Variants in RAPGEF5 observed in about 807,000 individuals in gnomAD.
The protein encoded by RAPGEF5 is Rap guanine nucleotide exchange factor 5.
Under a neutral mutation model 125.2 loss-of-function variants are expected in RAPGEF5, and 65 were observed. The ratio of observed to expected loss-of-function variants is 0.52; its 90% CI spans 0.43 to 0.64. RAPGEF5 has a LOEUF of 0.64. RAPGEF5 is among the 30% of genes least tolerant of loss of function. RAPGEF5 has a pLI of 0.00. For synonymous variants in RAPGEF5, 391 were observed against 385.9 expected (o/e 1.01, Z -0.16); for missense variants, 958 against 1,048.1 (o/e 0.91, Z 1.19).
intron 20 of RAPGEF5, among the ~76,000 whole-genome samples, chr7:22,141,789 C>A (rs190328942): frequency 3.3e-5 from 5 of 152,236 alleles, no homozygotes; most frequent in Admixed American, 3.3e-4. Flanking sequence ...ATTGTGAGGC[C>A]CTGTACCTTC....
chr7:22,177,815 T>C (rs1291421610), intron 11 of RAPGEF5, among the ~76,000 whole-genome samples: 1 of 152,140 alleles, frequency 6.6e-6, no homozygotes, highest in Non-Finnish European at 1.5e-5. Context: ...CATTACACTA[T>C]GCTCTCCCGA....
chr7:22,325,803 A>G (rs1783802297), intron 1 of RAPGEF5, among the ~76,000 whole-genome samples: 1 of 151,864 alleles, frequency 6.6e-6, no homozygotes, highest in Non-Finnish European at 1.5e-5. Flanking sequence ...AGATCAAGCA[A>G]TCCTTGCACC....
At chr7:22,215,993 TA>T (rs1253332994) in intron 9 of RAPGEF5, among the ~76,000 whole-genome samples, 1 of 152,212 alleles carries the variant, frequency 6.6e-6, no homozygotes. Flanking sequence ...TGTCTGCCAC[TA>T]TACCAAAGAA....
intron 6 of RAPGEF5, among the ~76,000 whole-genome samples, chr7:22,276,861 G>C (rs1181429656): frequency 6.6e-6 from 1 of 152,182 alleles, no homozygotes; most frequent in Non-Finnish European, 1.5e-5. Context: ...TGCTATTTGA[G>C]TGTTATCTAT....
Position 22,130,902 on chromosome 7 carries a change from G to T in RAPGEF5, c.2481+135C>A, listed in dbSNP as rs1583389018. ...CATGCAGCAAATAAGCTCCTTGAAT[G>T]AAGCAAATAAGCTCCTTGAATTCGC... is the stretch of plus-strand genomic sequence containing the variant. On this transcript the variant is annotated intron_variant, in intron 24 of 25. Transcript: ENST00000665637. 4 of 1,256,510 alleles carry T rather than the reference G, an allele frequency of 3.2e-6. No homozygotes were observed. In the East Asian group the frequency reaches 1.1e-4, roughly 34 times the overall value. 77.8% of individuals were successfully genotyped at this position (1,256,510 alleles called of 1,614,324 possible).
At chr7:22,246,097 A>C (rs568957418) in intron 7 of RAPGEF5, among the ~76,000 whole-genome samples, 71 of 152,228 alleles carry the variant, frequency 4.7e-4, no homozygotes, top group Admixed American at 9.8e-4. Context: ...CACACACACA[A>C]AAATGGAAAA....
At chr7:22,304,247 A>T (rs1301643879) in intron 5 of RAPGEF5, among the ~76,000 whole-genome samples, 1 of 152,160 alleles carries the variant, frequency 6.6e-6, no homozygotes, top group Non-Finnish European at 1.5e-5. Context: ...ATCTTTATAT[A>T]TTTAGTACTT....
At chr7:22,178,749 T>G (rs1784586257) in intron 11 of RAPGEF5, among the ~76,000 whole-genome samples, 1 of 152,152 alleles carries the variant, frequency 6.6e-6, no homozygotes. Context: ...TTTAGAGTTT[T>G]TATAGAAGCT....
chr7:22,172,972 A>T (rs1265858847), intron 11 of RAPGEF5, among the ~76,000 whole-genome samples: 2 of 152,234 alleles, frequency 1.3e-5, no homozygotes, highest in Non-Finnish European at 2.9e-5. Context: ...TGGTAATGTG[A>T]ATATTCAACA....
intron 7 of RAPGEF5, among the ~76,000 whole-genome samples, chr7:22,246,858 T>C (rs1045686296): frequency 4.6e-5 from 7 of 152,092 alleles, no homozygotes; most frequent in Non-Finnish European, 1.0e-4. Flanking sequence ...CCAGAATCTA[T>C]AAGGAACTTA....
intron 3 of RAPGEF5, among the ~76,000 whole-genome samples, chr7:22,313,083 G>A (rs1198106394): frequency 1.3e-5 from 2 of 152,136 alleles, no homozygotes; most frequent in African/African-American, 4.8e-5. Context: ...ATACTAGGTA[G>A]GAATAATGTG....
At chr7:22,213,955 A>G (rs1376830292) in intron 9 of RAPGEF5, among the ~76,000 whole-genome samples, 1 of 152,212 alleles carries the variant, frequency 6.6e-6, no homozygotes, top group African/African-American at 2.4e-5. Flanking sequence ...GAGGATTTTC[A>G]CCTTATATTT....
At chr7:22,319,358 T>C (rs1444484831) in intron 1 of RAPGEF5, among the ~76,000 whole-genome samples, 3 of 152,190 alleles carry the variant, frequency 2.0e-5, no homozygotes, top group African/African-American at 7.2e-5. Context: ...TACTAAACTT[T>C]AGTCTAAAAA....
chr7:22,326,356 G>T (rs1267941486), intron 1 of RAPGEF5, among the ~76,000 whole-genome samples: 11 of 152,168 alleles, frequency 7.2e-5, no homozygotes, highest in African/African-American at 2.4e-4. Flanking sequence ...GTTGCCACCT[G>T]TTTCATAAAT....
chr7:22,146,099 A>C (rs886236481), intron 19 of RAPGEF5, among the ~76,000 whole-genome samples: 1 of 152,156 alleles, frequency 6.6e-6, no homozygotes, highest in African/African-American at 2.4e-5. Context: ...GAAGGAATTC[A>C]GTACTTGCTC....
intron 7 of RAPGEF5, among the ~76,000 whole-genome samples, chr7:22,252,754 G>A (rs1006064564): frequency 6.6e-6 from 1 of 152,036 alleles, no homozygotes; most frequent in Non-Finnish European, 1.5e-5. Context: ...TTTTTTTAAA[G>A]GCAATTTTCT....
intron 5 of RAPGEF5, 77 bp downstream of exon 5, chr7:22,308,262 A>G: frequency 7.5e-7 from 1 of 1,329,598 alleles, no homozygotes; most frequent in Non-Finnish European, 9.9e-7. Flanking sequence ...GATCTTAAAG[A>G]GCAGAATATA....
intron 11 of RAPGEF5, among the ~76,000 whole-genome samples, chr7:22,168,591 T>C (rs1021033366): frequency 2.0e-5 from 3 of 152,296 alleles, no homozygotes; most frequent in Non-Finnish European, 2.9e-5. Flanking sequence ...CATTGAAGAC[T>C]GGATGAAAGA....
At chr7:22,241,772 A>C (rs530221822) in intron 7 of RAPGEF5, among the ~76,000 whole-genome samples, 1 of 152,168 alleles carries the variant, frequency 6.6e-6, no homozygotes, top group Non-Finnish European at 1.5e-5. Flanking sequence ...CCCACCTGCC[A>C]CTGGGGTAGA....
Sources: allele counts gnomAD v4.1 joint callset (sites outside exome capture counted in the v4.1 genomes callset), GRCh38; gene constraint gnomAD v4.1.1; transcripts MANE v1.5; gene names NCBI Gene and HGNC (gene_info 2026-07-23, HGNC 2026-07-21).